Variants in TEX14 observed in about 807,000 individuals in gnomAD.
TEX14 encodes inactive serine/threonine-protein kinase TEX14.
In TEX14, 168 loss-of-function variants were observed where a neutral mutation model predicts 178.6. The observed-to-expected ratio is 0.94, with a 90% CI of 0.83 to 1.07. The LOEUF is 1.07. Ranked by LOEUF, TEX14 falls within the 50% of genes least tolerant of loss-of-function variation. The pLI is 0.00. For synonymous variants in TEX14, 626 were observed against 634.1 expected, an observed-to-expected ratio of 0.99 and a Z score of 0.19; for missense variants, 1,730 against 1,753.6, an observed-to-expected ratio of 0.99 and a Z score of 0.24.
chr17:58,597,746 C>G (rs2045324174), intron 14 of TEX14, among the ~76,000 whole-genome samples: 1 of 152,190 alleles, frequency 6.6e-6, no homozygotes, highest in South Asian at 2.1e-4. Flanking sequence ...TTCATTAATT[C>G]ATTCATCCCC....
In TEX14 at chr17:58,684,689, C is replaced by A. The variant is rs2047562655; in HGVS notation, c.-2+7250G>T. On this transcript the variant is annotated intron_variant, in intron 1 of 31. Transcript: ENST00000349033. Reference sequence around the variant, plus strand: ...AATAAATAAATAAATAAAAAGCTTTCTTCCTCCTACCACTTATTTTTTAAA... The same window carrying A: ...AATAAATAAATAAATAAAAAGCTTTATTCCTCCTACCACTTATTTTTTAAA... Among the ~76,000 whole-genome samples the A allele has an allele frequency of 4.0e-5, 6 of 151,700 alleles. No individual in the cohort carries two copies. The South Asian group carries it at 1.2e-3, about 32-fold the overall frequency.
At chr17:58,589,328 C>T (rs112016499) in intron 15 of TEX14, among the ~76,000 whole-genome samples, 10 of 151,300 alleles carry the variant, frequency 6.6e-5, no homozygotes, top group East Asian at 1.9e-4. Context: ...TTTGGGAGAC[C>T]GGGGCAGGTG....
intron 14 of TEX14, among the ~76,000 whole-genome samples, chr17:58,596,463 G>A (rs957749843): frequency 1.3e-5 from 2 of 151,946 alleles, no homozygotes; most frequent in African/African-American, 4.8e-5. Context: ...GATATCTTTT[G>A]TAGAAACAGG....
intron 1 of TEX14, among the ~76,000 whole-genome samples, chr17:58,658,138 A>C (rs1025722081): frequency 5.9e-5 from 9 of 152,274 alleles, no homozygotes; most frequent in African/African-American, 2.2e-4. Flanking sequence ...ATCCTTAACA[A>C]CTCAGTTCCT....
intron 2 of TEX14, among the ~76,000 whole-genome samples, chr17:58,647,717 CAG>C (rs1442313479): frequency 4.0e-5 from 6 of 151,624 alleles, no homozygotes; most frequent in Admixed American, 1.3e-4. Flanking sequence ...TTTTTTGAGA[CAG>C]AGTCTTCCTC....
At chr17:58,557,960 A>G (rs927682490) in intron 30 of TEX14, 110 bp from the exon 31 acceptor site, 1 of 741,264 alleles carries the variant, frequency 1.3e-6, no homozygotes, top group Non-Finnish European at 2.2e-6. Flanking sequence ...TGTTTTACCT[A>G]CAATGGTTGT....
intron 2 of TEX14, among the ~76,000 whole-genome samples, chr17:58,635,688 C>T (rs1266127470): frequency 6.6e-6 from 1 of 152,076 alleles, no homozygotes; most frequent in African/African-American, 2.4e-5. Context: ...CCTCGGCCTC[C>T]AAAAGTGCTG....
At chr17:58,601,660 C>T (rs1203408887) in intron 13 of TEX14, 146 bp downstream of exon 13, 5 of 715,338 alleles carry the variant, frequency 7.0e-6, no homozygotes, top group South Asian at 3.7e-5. Flanking sequence ...TGCCACTGTA[C>T]TCCAGTCTGG....
At chr17:58,596,642 T>C (rs1335297078) in intron 14 of TEX14, among the ~76,000 whole-genome samples, 4 of 151,110 alleles carry the variant, frequency 2.6e-5, no homozygotes, top group African/African-American at 4.9e-5. Context: ...CCCACACTTT[T>C]GGAGGCCAAG....
In TEX14 at chr17:58,630,469, A is replaced by T. The variant is rs764890919; in HGVS notation, c.222T>A (p.Val74=). 9.9e-6 allele frequency: 16 copies of T among 1,613,880 alleles called. No individual in the cohort carries two copies. Among genetic ancestry groups the T allele is most frequent in the Non-Finnish European group, 1.4e-5 (16 of 1,179,862 alleles). The change falls in exon 3 of 32, where the codon GTT becomes GTA. Residue 74 remains valine (V), a synonymous_variant. Transcript: ENST00000349033. ...TTGGATCTGATCCATAATCCACCAG[A>T]ACATCAACGAATTTCCTAAGGCCCA... is the stretch of plus-strand genomic sequence containing the variant. The part of the protein sequence containing the change: ...ALLGLRKFVD[V]LVDYGSDPNH...
chr17:58,587,364 A>G (rs1171023907), intron 17 of TEX14, among the ~76,000 whole-genome samples: 2 of 151,850 alleles, frequency 1.3e-5, no homozygotes, highest in African/African-American at 4.8e-5. Flanking sequence ...TATTTCCTAT[A>G]AAGTCTAGAA....
rs2045972509 is a variant in TEX14 at position 58,620,473 on chromosome 17, G to A, written c.554+1177C>T. On this transcript the variant is annotated intron_variant, in intron 5 of 31. Coordinates refer to ENST00000349033, the MANE Select transcript of TEX14 (RefSeq NM_031272.5). Reference sequence around the variant, plus strand: ...GCCTCCAGAGTAGCTGGAACTATGAGGAGCACACCAACACACTCGGCTAAT... The same window carrying A: ...GCCTCCAGAGTAGCTGGAACTATGAAGAGCACACCAACACACTCGGCTAAT... 2.0e-5 allele frequency among the ~76,000 whole-genome samples: 3 copies of A among 152,106 alleles called. No individual in the cohort carries two copies. In the South Asian group the frequency reaches 6.2e-4, roughly 32 times the overall value.
intron 2 of TEX14, among the ~76,000 whole-genome samples, chr17:58,643,945 C>T (rs553321202): frequency 1.1e-4 from 16 of 150,480 alleles, no homozygotes; most frequent in South Asian, 4.2e-4. Context: ...TTTTCTCCCC[C>T]GCCCCCCCCA....
intron 1 of TEX14, among the ~76,000 whole-genome samples, chr17:58,689,209 G>A (rs953278640): frequency 2.7e-5 from 4 of 150,894 alleles, no homozygotes; most frequent in Non-Finnish European, 5.9e-5. Flanking sequence ...AAACAGGCGT[G>A]AGACATCACG....
intron 10 of TEX14, among the ~76,000 whole-genome samples, chr17:58,609,096 C>T (rs1055627348): frequency 6.6e-6 from 1 of 152,164 alleles, no homozygotes; most frequent in Non-Finnish European, 1.5e-5. Context: ...TGGCTCCGGT[C>T]ATACCCTAAC....
At chr17:58,594,730 T>G (rs750891524) in intron 14 of TEX14, among the ~76,000 whole-genome samples, 17 of 152,186 alleles carry the variant, frequency 1.1e-4, no homozygotes, top group South Asian at 4.2e-4. Context: ...TACCTACCAC[T>G]GGGGATGCTA....
intron 22 of TEX14, among the ~76,000 whole-genome samples, chr17:58,573,520 CT>C (rs1286499097): frequency 2.0e-5 from 3 of 151,824 alleles, no homozygotes; most frequent in Non-Finnish European, 2.9e-5. Context: ...ACCAAAGAGA[CT>C]TTTTTTTGGC....
chr17:58,563,196 G>A (rs1195130981), intron 28 of TEX14, among the ~76,000 whole-genome samples: 4 of 151,920 alleles, frequency 2.6e-5, no homozygotes, highest in Non-Finnish European at 5.9e-5. Flanking sequence ...TCCTGGCCCC[G>A]AATAATGATA....
At chr17:58,575,252 T>G (rs1417762878) in intron 21 of TEX14, among the ~76,000 whole-genome samples, 1 of 151,956 alleles carries the variant, frequency 6.6e-6, no homozygotes, top group East Asian at 1.9e-4. Flanking sequence ...GTAGCTGGCA[T>G]TACAGGCATG....
Sources: gnomAD v4.1 joint callset for allele counts (sites outside exome capture counted in the v4.1 genomes callset) on GRCh38, gnomAD v4.1.1 for gene constraint, MANE v1.5 for transcripts, NCBI Gene and HGNC (gene_info 2026-07-23, HGNC 2026-07-21) for gene names.